UGT1A10: variants seen among roughly 807,000 people sequenced by gnomAD.
The protein encoded by UGT1A10 is UDP glucuronosyltransferase family 1 member A10.
A neutral mutation model predicts 45.8 loss-of-function variants in UGT1A10; 49 were observed. The ratio of observed to expected loss-of-function variants is 1.07; its 90% confidence interval spans 0.85 to 1.36. The LOEUF (loss-of-function observed/expected upper bound fraction) is 1.36, where lower values mean the gene tolerates loss of function less well. UGT1A10 is among the 40% of genes most tolerant of loss of function. The pLI is 0.00. For synonymous variants in UGT1A10, 284 were observed against 249.7 expected, an observed-to-expected ratio of 1.14 and a Z score of -1.29; for missense variants, 745 against 668.6, an observed-to-expected ratio of 1.11 and a Z score of -1.26.
At chr2:233,676,915 A>G (rs1424239135) in intron 1 of UGT1A10, among the ~76,000 whole-genome samples, 2 of 152,118 alleles carry the variant, frequency 1.3e-5, no homozygotes, top group East Asian at 1.9e-4. Flanking sequence ...TAGACTTTGT[A>G]TTCTGTTCTG....
chr2:233,748,205 G>A, intron 1 of UGT1A10: 1 of 1,514,056 alleles, frequency 6.6e-7, no homozygotes. Context: ...TGTCGTAATA[G>A]CCTTCAGTGA....
intron 1 of UGT1A10, among the ~76,000 whole-genome samples, chr2:233,699,604 T>C (rs1376144779): frequency 6.6e-6 from 1 of 152,188 alleles, no homozygotes; most frequent in African/African-American, 2.4e-5. Flanking sequence ...GCCTGGTCTA[T>C]AGAAAGGAAT....
intron 1 of UGT1A10, chr2:233,648,771 C>A: frequency 1.3e-6 from 1 of 787,658 alleles, no homozygotes; most frequent in South Asian, 1.6e-5. Flanking sequence ...GCCTGGATGC[C>A]ATGACTTTTA....
intron 1 of UGT1A10, chr2:233,760,219 C>A: frequency 6.3e-7 from 1 of 1,593,340 alleles, no homozygotes; most frequent in Non-Finnish European, 8.5e-7. Context: ...CTTGGTGTAT[C>A]GATTGGTTTT....
At chr2:233,646,562 C>G (rs2073609005) in intron 1 of UGT1A10, among the ~76,000 whole-genome samples, 1 of 152,200 alleles carries the variant, frequency 6.6e-6, no homozygotes, top group African/African-American at 2.4e-5. Context: ...CCTAAATCAT[C>G]TTTCTAAGGT....
intron 1 of UGT1A10, among the ~76,000 whole-genome samples, chr2:233,678,146 A>G (rs1575422727): frequency 6.6e-6 from 1 of 152,208 alleles, no homozygotes. Flanking sequence ...GATGGCAACA[A>G]TAGACACTAT....
At chr2:233,771,550 T>G (rs1700326393) in intron 4 of UGT1A10, 1 of 152,254 alleles carries the variant, frequency 6.6e-6, no homozygotes, top group Non-Finnish European at 1.5e-5. Flanking sequence ...TACAAATGGC[T>G]GTTAATTTGG....
intron 1 of UGT1A10, among the ~76,000 whole-genome samples, chr2:233,700,067 T>C (rs1334883521): frequency 6.6e-6 from 1 of 152,186 alleles, no homozygotes; most frequent in Non-Finnish European, 1.5e-5. Flanking sequence ...CAGTGGTGTC[T>C]ACCCAGCAAG....
At chr2:233,644,866 G>T (rs930472503) in intron 1 of UGT1A10, among the ~76,000 whole-genome samples, 1 of 152,148 alleles carries the variant, frequency 6.6e-6, no homozygotes, top group Non-Finnish European at 1.5e-5. Flanking sequence ...TATGAAGGTG[G>T]TTTTTCCTGT....
intron 1 of UGT1A10, among the ~76,000 whole-genome samples, chr2:233,746,316 G>A (rs1048806578): frequency 1.3e-5 from 2 of 151,828 alleles, no homozygotes; most frequent in Non-Finnish European, 2.9e-5. Flanking sequence ...GGGCCCTGTA[G>A]ATGATCTACA....
chr2:233,768,475 G>A, intron 4 of UGT1A10, 36 bp downstream of exon 4: 2 of 1,597,142 alleles, frequency 1.3e-6, no homozygotes, highest in Non-Finnish European at 1.7e-6. Flanking sequence ...CTTTGGTCAT[G>A]GCATTCATGA....
intron 1 of UGT1A10, among the ~76,000 whole-genome samples, chr2:233,662,691 C>T (rs539332687): frequency 3.3e-5 from 5 of 152,068 alleles, no homozygotes; most frequent in Admixed American, 6.6e-5. Context: ...CCATTCTTGG[C>T]ATGTGTCTGA....
intron 1 of UGT1A10, among the ~76,000 whole-genome samples, chr2:233,763,590 A>T (rs772976697): frequency 6.6e-6 from 1 of 152,156 alleles, no homozygotes; most frequent in East Asian, 1.9e-4. Context: ...TTCCTTTGTT[A>T]ACTAAAAATG....
chr2:233,679,263 G>A (rs2074446748), intron 1 of UGT1A10, among the ~76,000 whole-genome samples: 1 of 152,234 alleles, frequency 6.6e-6, no homozygotes, highest in Admixed American at 6.5e-5. Context: ...ACAGTCCCTT[G>A]CTGGCAATGC....
intron 1 of UGT1A10, among the ~76,000 whole-genome samples, chr2:233,716,657 G>A (rs533610876): frequency 4.6e-5 from 7 of 152,220 alleles, no homozygotes; most frequent in Non-Finnish European, 7.4e-5. Flanking sequence ...TGTACCCTAA[G>A]GAAGCTTTGT....
intron 1 of UGT1A10, chr2:233,671,807 AT>A (rs3832043): frequency 0.62 from 855,234 of 1,368,394 alleles, 262,042 homozygotes; most frequent in Non-Finnish European, 0.64. Context: ...TCAGTGACTG[AT>A]TTTTTTTTTA....
chr2:233,729,412 C>T, intron 1 of UGT1A10: 2 of 1,613,700 alleles, frequency 1.2e-6, no homozygotes, highest in Non-Finnish European at 1.7e-6. Flanking sequence ...TGTGCTGGGC[C>T]ACACTCAACT....
intron 1 of UGT1A10, among the ~76,000 whole-genome samples, chr2:233,671,162 A>C (rs1475939426): frequency 1.3e-5 from 2 of 152,294 alleles, no homozygotes; most frequent in African/African-American, 4.8e-5. Flanking sequence ...AGGGCACTGG[A>C]GTGATGGCGT....
At chr2:233,648,739 C>A in intron 1 of UGT1A10, 1 of 551,624 alleles carries the variant, frequency 1.8e-6, no homozygotes, top group South Asian at 2.0e-5. Flanking sequence ...GCTGGAATTA[C>A]AGGGGTGAGC....
Sources: allele counts gnomAD v4.1 joint callset (sites outside exome capture counted in the v4.1 genomes callset), GRCh38; gene constraint gnomAD v4.1.1; transcripts MANE v1.5; gene names NCBI Gene and HGNC (gene_info 2026-07-23, HGNC 2026-07-21).